Variants in IPO11 observed in about 807,000 individuals in gnomAD.
IPO11 encodes importin-11.
Under a neutral mutation model 143.2 loss-of-function variants are expected in IPO11, and 66 were observed. The ratio of observed to expected loss-of-function variants is 0.46; its 90% CI spans 0.38 to 0.57. The LOEUF is 0.57. IPO11 is among the 20% of genes least tolerant of loss of function. IPO11 has a pLI of 0.00. For missense variants in IPO11, 1,026 were observed against 1,141.0 expected (o/e 0.90, Z 1.45); for synonymous variants, 385 against 377.8 (o/e 1.02, Z -0.22).
chr5:62,601,924 T>G lies in IPO11; in HGVS notation c.2763+76T>G. On this transcript the variant is annotated intron_variant, in intron 29 of 29. Transcript: ENST00000325324. ...TCTGTAGGTTCAGAAATATCTATGG[T>G]CTATTTGTCCATCCAGCTATATGTC... is the stretch of plus-strand genomic sequence containing the variant. 4.7e-6 allele frequency: 4 copies of G among 846,804 alleles called. No individual in the cohort carries two copies. In the South Asian group the frequency reaches 8.3e-5, roughly 17 times the overall value. 52.5% of individuals were successfully genotyped at this position (846,804 alleles called of 1,614,324 possible). A position where few individuals can be genotyped will look rare whatever the true frequency, so the allele number is the denominator to read the frequency against.
chr5:62,591,470 C>CA, intron 27 of IPO11, 107 bp from the exon 28 acceptor site: 1 of 635,790 alleles, frequency 1.6e-6, no homozygotes, highest in Non-Finnish European at 2.7e-6. Flanking sequence ...TTTTGTATTT[C>CA]ACAGCTGAAA....
At chr5:62,435,391 C>A (rs1744183338) in intron 1 of IPO11, among the ~76,000 whole-genome samples, 1 of 148,404 alleles carries the variant, frequency 6.7e-6, no homozygotes, top group African/African-American at 2.5e-5. Flanking sequence ...AAGTTTGAGA[C>A]CAGCCTGGGC....
chr5:62,579,826 G>C (rs1744475125), intron 27 of IPO11: 1 of 1,546,060 alleles, frequency 6.5e-7, no homozygotes, highest in Non-Finnish European at 8.7e-7. Context: ...AATATTTAAG[G>C]GACTTTTAAA....
At chr5:62,458,381 A>G (rs1347825673) in intron 5 of IPO11, among the ~76,000 whole-genome samples, 3 of 151,850 alleles carry the variant, frequency 2.0e-5, no homozygotes, top group African/African-American at 7.2e-5. Flanking sequence ...GCTCACTGCA[A>G]CTTCTACCTG....
intron 29 of IPO11, among the ~76,000 whole-genome samples, chr5:62,626,266 G>A: frequency 6.6e-6 from 1 of 152,184 alleles, no homozygotes. Flanking sequence ...CTGACCTTGT[G>A]ATCTGCCTGC....
At chr5:62,436,962 G>A (rs1744267083) in intron 1 of IPO11, among the ~76,000 whole-genome samples, 1 of 152,098 alleles carries the variant, frequency 6.6e-6, no homozygotes, top group South Asian at 2.1e-4. Flanking sequence ...GGCACGTAAT[G>A]GTACTTACTC....
chr5:62,484,747 G>A (rs1411878967), intron 11 of IPO11, among the ~76,000 whole-genome samples: 1 of 151,806 alleles, frequency 6.6e-6, no homozygotes. Flanking sequence ...TTTTCTCTTT[G>A]GTTGTGTACC....
At chr5:62,569,243 G>T (rs1744057111) in intron 27 of IPO11, among the ~76,000 whole-genome samples, 1 of 152,112 alleles carries the variant, frequency 6.6e-6, no homozygotes, top group South Asian at 2.1e-4. Flanking sequence ...GCCCTTTACT[G>T]CCTGGATTTG....
chr5:62,544,092 A>G (rs149581043), intron 24 of IPO11, among the ~76,000 whole-genome samples: 2,566 of 152,286 alleles, frequency 0.017, 66 homozygotes, highest in African/African-American at 0.059. Context: ...AATCCTCCCT[A>G]ACTCATTTTA....
intron 1 of IPO11, among the ~76,000 whole-genome samples, chr5:62,429,855 C>T (rs1743917054): frequency 6.6e-6 from 1 of 151,692 alleles, no homozygotes; most frequent in Non-Finnish European, 1.5e-5. Flanking sequence ...GATCTCCTGA[C>T]CTTGTGATCC....
At chr5:62,606,298 T>C (rs1050926636) in intron 29 of IPO11, among the ~76,000 whole-genome samples, 9 of 145,742 alleles carry the variant, frequency 6.2e-5, no homozygotes, top group African/African-American at 2.3e-4. Context: ...CTGGGCAACA[T>C]AGGTGAATCC....
chr5:62,577,701 A>C (rs1744370324), intron 27 of IPO11, among the ~76,000 whole-genome samples: 1 of 152,144 alleles, frequency 6.6e-6, no homozygotes, highest in Admixed American at 6.6e-5. Flanking sequence ...ACGATCTGCT[A>C]TCCAGTATGC....
chr5:62,598,544 CTTTTCTTTCTTTTTTTTTT>C (rs1745369402), intron 28 of IPO11, among the ~76,000 whole-genome samples: 1 of 7,628 alleles, frequency 1.3e-4, no homozygotes, highest in Non-Finnish European at 2.1e-4. Flanking sequence ...TCTTTTCTTT[CTTTTCTTTCTTTTTTTTTT>C]TTATGGAGTC....
At chr5:62,458,988 T>A (rs1013718117) in intron 5 of IPO11, among the ~76,000 whole-genome samples, 7 of 152,226 alleles carry the variant, frequency 4.6e-5, no homozygotes, top group African/African-American at 1.4e-4. Context: ...TCCATCTATT[T>A]ATCTGACAAA....
chr5:62,606,480 TAAAAAAA>T (rs760722973), intron 29 of IPO11, among the ~76,000 whole-genome samples: 6 of 56,106 alleles, frequency 1.1e-4, no homozygotes, highest in Non-Finnish European at 1.8e-4. Context: ...GACCCTGTCT[TAAAAAAA>T]AAAAAAAAAA....
At position 62,467,162 on chromosome 5, in the gene IPO11, C is replaced by A; in HGVS notation, c.548C>A (p.Ser183Tyr). ...LASGIYNFAC[S>Y]LWNHHTDTFL... ...TCTGGAATTTATAATTTTGCCTGCT[C>A]TCTGTGGAATCACCACACAGACACA... Residue 183 changes from serine to tyrosine, a missense_variant, in exon 6 of 30, where the codon TCT becomes TAT. Ser to Tyr is a moderately radical substitution (Grantham distance 144). This residue lies in a region of IPO11 where 429 missense variants were observed against 456.3 expected (regional missense o/e 0.94). Coordinates refer to ENST00000325324, the MANE Select transcript of IPO11 (RefSeq NM_016338.5). 6.2e-7 allele frequency: 1 copy of A among 1,611,004 alleles called. No individual in the cohort carries two copies. Among genetic ancestry groups the A allele is most frequent in the Non-Finnish European group, 8.5e-7 (1 of 1,179,330 alleles).
chr5:62,512,456 C>G, intron 19 of IPO11: 1 of 1,259,222 alleles, frequency 7.9e-7, no homozygotes, highest in Non-Finnish European at 1.2e-6. Flanking sequence ...CGTATTTGTC[C>G]GAATAGTAAA....
rs186361294 is a variant in IPO11, at chr5:62,460,577, A to T, written c.517-6554A>T. On this transcript the variant is annotated intron_variant, in intron 5 of 29. Transcript: ENST00000325324. ...ATTCTGAGGCTAAAAAAGTTTAAGAATATTTGAAATGCTAAAATACTTAGT... is the reference window on the plus strand; with the variant it reads ...ATTCTGAGGCTAAAAAAGTTTAAGATTATTTGAAATGCTAAAATACTTAGT... 5.2e-3 allele frequency among the ~76,000 whole-genome samples: 791 copies of T among 152,334 alleles called. 1 individual carries two copies. Among genetic ancestry groups the T allele is most frequent in the Middle Eastern group, 0.01 (3 of 294 alleles).
At chr5:62,602,064 T>TG (rs1184215756) in intron 29 of IPO11, among the ~76,000 whole-genome samples, 5 of 152,202 alleles carry the variant, frequency 3.3e-5, no homozygotes, top group African/African-American at 1.2e-4. Flanking sequence ...CTGTTGCTTA[T>TG]CTTAGTGCAG....
Sources: allele counts gnomAD v4.1 joint callset (sites outside exome capture counted in the v4.1 genomes callset), GRCh38; gene constraint gnomAD v4.1.1; regional missense constraint gnomAD v4.1.1; transcripts MANE v1.5; gene names NCBI Gene and HGNC (gene_info 2026-07-23, HGNC 2026-07-21).